ADGRD1: variants seen among roughly 807,000 people sequenced by gnomAD.
ADGRD1 encodes the protein G-protein coupled receptor 133.
Under a neutral mutation model 113.4 loss-of-function variants are expected in ADGRD1, and 77 were observed. That is an observed-to-expected ratio of 0.68 (90% CI 0.57 to 0.82). The LOEUF is 0.82. ADGRD1 is among the 40% of genes least tolerant of loss of function. ADGRD1 has a pLI of 0.00. For synonymous variants in ADGRD1, 474 were observed against 475.0 expected (o/e 1.00, Z 0.03); for missense variants, 1,036 against 1,139.1 (o/e 0.91, Z 1.30).
intron 13 of ADGRD1, among the ~76,000 whole-genome samples, chr12:131,039,114 G>A (rs567303814): frequency 1.3e-5 from 2 of 152,214 alleles, no homozygotes; most frequent in African/African-American, 4.8e-5. Flanking sequence ...GAGCAGGAAC[G>A]CATGGAGCCT....
At chr12:130,955,300 G>A (rs1869424386) in intron 2 of ADGRD1, among the ~76,000 whole-genome samples, 1 of 151,926 alleles carries the variant, frequency 6.6e-6, no homozygotes, top group Admixed American at 6.6e-5. Flanking sequence ...TGGGGAGTTG[G>A]AGCTCTGGCC....
chr12:130,971,615 C>A lies in ADGRD1; in HGVS notation c.310+35C>A. 6.4e-7 allele frequency: 1 copy of A among 1,571,636 alleles called. No individual in the cohort carries two copies. Reference sequence around the variant, plus strand: ...TGATCCCTGCGGCATCTTTGTCAAGCATTTCATTCTCAGGGAGCACCTGCT... The same window carrying A: ...TGATCCCTGCGGCATCTTTGTCAAGAATTTCATTCTCAGGGAGCACCTGCT... On this transcript the variant is annotated intron_variant, in intron 4 of 24. Transcript: ENST00000261654. This position sits in a 1 kb window ranked among gnomAD's most constrained non-coding sequence, Gnocchi z 4.2.
Position 130,954,646 on chromosome 12 carries a change from C to G in ADGRD1, c.89C>G (p.Ser30Trp), listed in dbSNP as rs754876417. ...NFQVRGVYSR[S>W]QDHPGFQVLA... ...CAGGTGCGTGGCGTCTACTCCAGAT[C>G]GCAGGACCATCCAGGTAAGAGTGTT... Residue 30 changes from serine (S) to tryptophan (W), a missense_variant, in exon 2 of 25, where the codon TCG (serine) becomes TGG (tryptophan). Coordinates refer to ENST00000261654, the MANE Select transcript of ADGRD1 (RefSeq NM_198827.5). The surrounding 1 kb of genome is among the most constrained non-coding windows in gnomAD (Gnocchi z 4.7). The G allele has an allele frequency of 3.3e-5, 54 of 1,613,282 alleles. No individual in the cohort carries two copies. The highest frequency in any genetic ancestry group is 4.5e-5 in the Non-Finnish European group (53 of 1,179,946).
intron 15 of ADGRD1, among the ~76,000 whole-genome samples, chr12:131,093,546 C>G (rs1437107682): frequency 6.6e-6 from 1 of 152,184 alleles, no homozygotes; most frequent in African/African-American, 2.4e-5. Context: ...GCCTGAATTA[C>G]ACGGTGTTGC....
At chr12:131,089,627 C>CTACCT (rs371541088) in intron 15 of ADGRD1, among the ~76,000 whole-genome samples, 12 of 151,964 alleles carry the variant, frequency 7.9e-5, no homozygotes, top group African/African-American at 2.4e-4. Context: ...TGGGTGCTCC[C>CTACCT]GGCCAGTGAG....
chr12:131,091,098 T>C (rs1431635088), intron 15 of ADGRD1, among the ~76,000 whole-genome samples: 3 of 152,138 alleles, frequency 2.0e-5, no homozygotes, highest in African/African-American at 7.2e-5. Flanking sequence ...AGGCCTGATT[T>C]CTGCCCCTTT....
intron 4 of ADGRD1, among the ~76,000 whole-genome samples, chr12:130,975,113 G>C (rs994236763): frequency 1.3e-5 from 2 of 152,084 alleles, no homozygotes; most frequent in African/African-American, 4.8e-5. Flanking sequence ...CACACAGGTG[G>C]GGAAGCTGAA....
intron 3 of ADGRD1, chr12:130,970,745 A>T (rs532815370): frequency 6.6e-6 from 1 of 152,542 alleles, no homozygotes; most frequent in East Asian, 1.9e-4. Context: ...TACCCTGGCC[A>T]TGGGAACGGG....
intron 15 of ADGRD1, among the ~76,000 whole-genome samples, chr12:131,101,517 A>T (rs1260276455): frequency 4.7e-5 from 7 of 149,676 alleles, no homozygotes; most frequent in Non-Finnish European, 1.0e-4. Context: ...CCTCCTGAGT[A>T]GCTGGGATTA....
intron 13 of ADGRD1, among the ~76,000 whole-genome samples, chr12:131,042,360 C>T (rs1882221675): frequency 6.6e-6 from 1 of 152,208 alleles, no homozygotes; most frequent in Non-Finnish European, 1.5e-5. Flanking sequence ...CTACCCCCAG[C>T]CCCCTGAGCC....
intron 15 of ADGRD1, among the ~76,000 whole-genome samples, chr12:131,089,053 C>T (rs1886715166): frequency 6.6e-6 from 1 of 152,210 alleles, no homozygotes; most frequent in Non-Finnish European, 1.5e-5. Flanking sequence ...GGCGCCCAGT[C>T]TGCAAACATC....
Position 131,140,992 on chromosome 12 carries a change from C to G in ADGRD1, c.*1729C>G, listed in dbSNP as rs146979197. On this transcript the variant is annotated 3_prime_UTR_variant, in exon 25 of 25. Coordinates refer to ENST00000261654, the MANE Select transcript of ADGRD1 (RefSeq NM_198827.5). ...GTATGGACTAAAGTCCCATGTTTAG[C>G]CACTGCCCCAGGCTCCCGTGACCCC... is the stretch of plus-strand genomic sequence containing the variant. 293 of 152,370 alleles carry G rather than the reference C, an allele frequency of 1.9e-3. 2 individuals carry two copies. Among genetic ancestry groups the G allele is most frequent in the African/African-American group, 7.0e-3 (290 of 41,578 alleles). 9.4% of individuals were successfully genotyped at this position (152,370 alleles called of 1,614,324 possible).
intron 23 of ADGRD1, chr12:131,137,835 C>T (rs1349231716): frequency 6.1e-6 from 1 of 164,264 alleles, no homozygotes; most frequent in African/African-American, 2.4e-5. Flanking sequence ...CGCCTGCCTG[C>T]CCACCACGCA....
intron 13 of ADGRD1, among the ~76,000 whole-genome samples, chr12:131,036,259 TCTCA>T (rs1881362804): frequency 6.7e-6 from 1 of 150,274 alleles, no homozygotes; most frequent in African/African-American, 2.5e-5. Flanking sequence ...CTGCAGTGAG[TCTCA>T]CTCACTGCAC....
chr12:131,079,960 T>A (rs1262460708), intron 14 of ADGRD1, among the ~76,000 whole-genome samples: 2 of 152,204 alleles, frequency 1.3e-5, no homozygotes, highest in Non-Finnish European at 2.9e-5. Flanking sequence ...GTGTTTCTGT[T>A]GTCAATTTCA....
At chr12:131,048,723 G>C (rs536607344) in intron 13 of ADGRD1, among the ~76,000 whole-genome samples, 1 of 152,230 alleles carries the variant, frequency 6.6e-6, no homozygotes, top group Non-Finnish European at 1.5e-5. Context: ...TCATTTGTGG[G>C]CAGGGCAGGG....
In ADGRD1 at chr12:131,003,768, C is replaced by T. The variant is rs115063149; in HGVS notation, c.1145-418C>T. 0.013 allele frequency among the ~76,000 whole-genome samples: 1,993 copies of T among 152,320 alleles called. 27 individuals are homozygous for T. Among genetic ancestry groups the T allele is most frequent in the Middle Eastern group, 0.034 (10 of 294 alleles). On this transcript the variant is annotated intron_variant, in intron 10 of 24. Transcript: ENST00000261654. This position sits in a 1 kb window ranked among gnomAD's most constrained non-coding sequence, Gnocchi z 4.8. The stretch of plus-strand genomic sequence containing the variant: ...CCTGCTGATACTTCGCTGCAAGAGC[C>T]GAGCTGGGGAAAATGGGCTGAAGCT...
chr12:130,995,326 G>A (rs1875100807), intron 8 of ADGRD1, among the ~76,000 whole-genome samples: 1 of 152,206 alleles, frequency 6.6e-6, no homozygotes, highest in East Asian at 1.9e-4. Flanking sequence ...GTGGGTGGAG[G>A]CCAAGGCAGC....
chr12:131,017,918 C>G (rs1221737865), intron 13 of ADGRD1, among the ~76,000 whole-genome samples: 1 of 152,070 alleles, frequency 6.6e-6, no homozygotes, highest in Non-Finnish European at 1.5e-5. Flanking sequence ...TGCACACACA[C>G]CCAGCACAGA....
Sources: gnomAD v4.1 joint callset for allele counts (sites outside exome capture counted in the v4.1 genomes callset) on GRCh38, gnomAD v4.1.1 for gene constraint, Gnocchi (gnomAD v3.1) non-coding constraint, MANE v1.5 for transcripts, NCBI Gene and HGNC (gene_info 2026-07-23, HGNC 2026-07-21) for gene names.